TFEC: variants seen among roughly 807,000 people sequenced by gnomAD.
TFEC encodes the protein transcription factor EC.
In TFEC, 31 loss-of-function variants were observed where a neutral mutation model predicts 41.6. The observed-to-expected ratio is 0.74, with a 90% CI of 0.56 to 1.01. TFEC has a LOEUF of 1.01. Ranked by LOEUF, TFEC falls within the 50% of genes least tolerant of loss-of-function variation. The pLI, the probability that TFEC is intolerant of heterozygous loss-of-function variation, is 0.00. For missense variants in TFEC, 402 were observed against 404.1 expected (o/e 0.99, Z 0.04); for synonymous variants, 143 against 140.6 (o/e 1.02, Z -0.12).
intron 3 of TFEC, among the ~76,000 whole-genome samples, chr7:116,097,851 A>G (rs1438961875): frequency 6.6e-6 from 1 of 152,266 alleles, no homozygotes; most frequent in East Asian, 1.9e-4. Context: ...ATATGGACTC[A>G]GAAATAGTGT....
chr7:116,139,057 G>T (rs1009625286), intron 1 of TFEC, among the ~76,000 whole-genome samples: 4 of 151,916 alleles, frequency 2.6e-5, no homozygotes, highest in African/African-American at 9.7e-5. Context: ...ACACTCTCTG[G>T]GGTTGCCGTG....
chr7:115,999,753 C>G (rs1794514329), intron 1 of TFEC, among the ~76,000 whole-genome samples: 1 of 148,490 alleles, frequency 6.7e-6, no homozygotes, highest in African/African-American at 2.5e-5. Context: ...AATTCCTAGA[C>G]ATGTACAATG....
intron 1 of TFEC, among the ~76,000 whole-genome samples, chr7:115,989,533 G>T (rs1046701242): frequency 6.6e-6 from 1 of 152,180 alleles, no homozygotes; most frequent in African/African-American, 2.4e-5. Flanking sequence ...GGAAAATCAG[G>T]ACACTACCAC....
chr7:115,995,384 T>C (rs1409604697), intron 1 of TFEC, among the ~76,000 whole-genome samples: 1 of 152,168 alleles, frequency 6.6e-6, no homozygotes, highest in Non-Finnish European at 1.5e-5. Context: ...TTTGACTATG[T>C]ATGCATATAT....
intron 1 of TFEC, among the ~76,000 whole-genome samples, chr7:116,014,618 C>G (rs1795122342): frequency 6.6e-6 from 1 of 151,978 alleles, no homozygotes; most frequent in Non-Finnish European, 1.5e-5. Context: ...CAAAATAATA[C>G]CTCCCCACCA....
At chr7:115,966,799 C>CA (rs957613905) in intron 3 of TFEC, among the ~76,000 whole-genome samples, 37 of 151,642 alleles carry the variant, frequency 2.4e-4, no homozygotes, top group African/African-American at 8.5e-4. Context: ...TCTGCACTAC[C>CA]AATGTCCCCA....
intron 1 of TFEC, among the ~76,000 whole-genome samples, chr7:116,144,705 T>C (rs1798608613): frequency 6.6e-6 from 1 of 152,146 alleles, no homozygotes; most frequent in African/African-American, 2.4e-5. Context: ...ATCTCCATAA[T>C]ATGAGTCGGC....
intron 1 of TFEC, among the ~76,000 whole-genome samples, chr7:116,022,850 C>T (rs1584712549): frequency 1.3e-5 from 2 of 152,218 alleles, no homozygotes; most frequent in South Asian, 2.1e-4. Context: ...TTGAACTATA[C>T]GTTTTACCCT....
At position 116,055,408 on chromosome 7, in the gene TFEC, T is replaced by A. The variant is rs114009110; in HGVS notation, c.198+55300A>T. On this transcript the variant is annotated intron_variant, in intron 3 of 8. Coordinates refer to the TFEC transcript ENST00000484212. ...CAAAATCATGAAAGATAGGAATATA[T>A]GTGTATTAAAGAGAATAGAAATCTA... Among the ~76,000 whole-genome samples the A allele has an allele frequency of 1.0e-3, 152 of 152,140 alleles. 1 individual carries two copies. The highest frequency in any genetic ancestry group is 3.6e-3 in the African/African-American group (149 of 41,566).
rs1160114562 is a variant in TFEC, at chr7:115,944,013, A to ATTTTTTTTTTTTTTTTTTTTTTTTTT, written c.516-1999_516-1974dup. On this transcript the variant is annotated intron_variant, in intron 6 of 7. Coordinates refer to ENST00000265440, the MANE Select transcript of TFEC (RefSeq NM_012252.4). The stretch of plus-strand genomic sequence containing the variant: ...GAAAATAATACTATGACAGGTCTGA[A>ATTTTTTTTTTTTTTTTTTTTTTTTTT]TTTTTTTTTTTTTTTTTTTTTTTTT... 2.1e-3 allele frequency among the ~76,000 whole-genome samples: 47 copies of ATTTTTTTTTTTTTTTTTTTTTTTTTT among 22,840 alleles called. 11 individuals carry two copies. The highest frequency in any genetic ancestry group is 3.6e-3 in the East Asian group (4 of 1,120). 15.0% of individuals were successfully genotyped at this position (22,840 alleles called of 152,430 possible). A position where few individuals can be genotyped will look rare whatever the true frequency, so the allele number is the denominator to read the frequency against.
At position 115,982,218 on chromosome 7, in the gene TFEC, C is replaced by CA. The variant is rs57020486; in HGVS notation, c.180+2043dup. Among the ~76,000 whole-genome samples, 708 of 147,818 alleles carry CA rather than the reference C, an allele frequency of 4.8e-3. 5 individuals carry two copies. The highest frequency in any genetic ancestry group is 0.013 in the African/African-American group (523 of 40,266). On this transcript the variant is annotated intron_variant, in intron 2 of 7. Coordinates refer to ENST00000265440, the MANE Select transcript of TFEC (RefSeq NM_012252.4). The stretch of plus-strand genomic sequence containing the variant: ...GAAAAGGCTTGGGAGAAAAAAAAAA[C>CA]AAAAAAAAACAAAAGATGGCAACAG...
At chr7:116,044,981 T>C (rs1184773326) in intron 3 of TFEC, among the ~76,000 whole-genome samples, 1 of 152,210 alleles carries the variant, frequency 6.6e-6, no homozygotes, top group African/African-American at 2.4e-5. Context: ...ATCCAATGCA[T>C]CCCAGTGGGT....
At chr7:116,071,137 G>A (rs571914389) in intron 3 of TFEC, among the ~76,000 whole-genome samples, 12 of 151,114 alleles carry the variant, frequency 7.9e-5, no homozygotes, top group Admixed American at 4.0e-4. Context: ...ATATTTTGAG[G>A]ATCAAAAAGC....
intron 3 of TFEC, among the ~76,000 whole-genome samples, chr7:116,073,078 T>TA (rs1425371646): frequency 6.6e-6 from 1 of 151,606 alleles, no homozygotes; most frequent in Non-Finnish European, 1.5e-5. Context: ...CATGATCTCG[T>TA]ACATAGAAAA....
At chr7:116,013,142 G>T (rs994489130) in intron 1 of TFEC, among the ~76,000 whole-genome samples, 12 of 151,982 alleles carry the variant, frequency 7.9e-5, no homozygotes, top group African/African-American at 2.9e-4. Flanking sequence ...CTCAATTTTG[G>T]TAGATAAAAC....
At chr7:116,125,338 T>G (rs1391830904) in intron 1 of TFEC, among the ~76,000 whole-genome samples, 1 of 152,152 alleles carries the variant, frequency 6.6e-6, no homozygotes, top group East Asian at 1.9e-4. Flanking sequence ...TTCCTTTTAG[T>G]ATGATGTATA....
intron 4 of TFEC, among the ~76,000 whole-genome samples, chr7:115,955,174 T>A (rs1245693203): frequency 6.6e-6 from 1 of 152,000 alleles, no homozygotes; most frequent in Non-Finnish European, 1.5e-5. Context: ...CACTTCCCTG[T>A]ATATATGGTG....
chr7:115,978,773 T>A (rs899604675), intron 2 of TFEC, among the ~76,000 whole-genome samples: 11 of 152,308 alleles, frequency 7.2e-5, no homozygotes, highest in African/African-American at 2.6e-4. Context: ...CCTCCTTCTC[T>A]AAACTAATTC....
chr7:116,086,690 T>C (rs1797211079), intron 3 of TFEC, among the ~76,000 whole-genome samples: 1 of 151,778 alleles, frequency 6.6e-6, no homozygotes, highest in African/African-American at 2.4e-5. Context: ...CCTCCAGGGA[T>C]CAGATTCTAA....
Sources: gnomAD v4.1 joint callset for allele counts (sites outside exome capture counted in the v4.1 genomes callset) on GRCh38, gnomAD v4.1.1 for gene constraint, MANE v1.5 for transcripts, NCBI Gene and HGNC (gene_info 2026-07-23, HGNC 2026-07-21) for gene names.